ERBB4: variants seen among roughly 807,000 people sequenced by gnomAD.
ERBB4 encodes the protein receptor tyrosine-protein kinase erbB-4.
ERBB4 carries 42 observed loss-of-function variants against 158.0 expected under a neutral mutation model. The observed-to-expected ratio is 0.27, with a 90% CI of 0.21 to 0.34. The LOEUF is 0.34. ERBB4 is among the 10% of genes least tolerant of loss of function. The pLI, the probability that ERBB4 is intolerant of heterozygous loss-of-function variation, is 1.00. For missense variants in ERBB4, 1,333 were observed against 1,624.1 expected (o/e 0.82, Z 3.08); for synonymous variants, 583 against 558.7 (o/e 1.04, Z -0.61).
intron 16 of ERBB4, among the ~76,000 whole-genome samples, chr2:211,656,569 G>A (rs192393753): frequency 6.6e-6 from 1 of 152,066 alleles, no homozygotes; most frequent in Non-Finnish European, 1.5e-5. Context: ...TACAACCATC[G>A]CCATGATCAA....
intron 16 of ERBB4, among the ~76,000 whole-genome samples, chr2:211,639,907 G>C (rs1024511451): frequency 3.0e-4 from 45 of 152,076 alleles, no homozygotes; most frequent in Non-Finnish European, 2.9e-4. Flanking sequence ...ATTTTTAGTA[G>C]AGACAGGGTT....
chr2:212,447,394 A>T (rs575226285), intron 1 of ERBB4, among the ~76,000 whole-genome samples: 6 of 107,896 alleles, frequency 5.6e-5, no homozygotes, highest in Non-Finnish European at 1.5e-4. Context: ...TTTCTATTTT[A>T]AAAAAATGTG....
chr2:211,805,444 A>T (rs766506663), intron 3 of ERBB4, among the ~76,000 whole-genome samples: 1 of 152,350 alleles, frequency 6.6e-6, no homozygotes, highest in Non-Finnish European at 1.5e-5. Context: ...AGAAAACACA[A>T]GAGTATGAGC....
intron 20 of ERBB4, among the ~76,000 whole-genome samples, chr2:211,505,851 T>TCCCAGCC (rs1352168301): frequency 6.6e-6 from 1 of 150,824 alleles, no homozygotes; most frequent in Non-Finnish European, 1.5e-5. Flanking sequence ...TCCCAGCTAC[T>TCCCAGCC]CAGGAGGCTG....
rs143518922 is a variant in ERBB4, at chr2:211,554,457, A to G, written c.2487+7446T>C. ...AATGCAGCTCTGGACCCAGAGCCACACATTCCCACCCACACAGCACACGCA... is the reference window on the plus strand; with the variant it reads ...AATGCAGCTCTGGACCCAGAGCCACGCATTCCCACCCACACAGCACACGCA... On this transcript the variant is annotated intron_variant, in intron 20 of 27. Coordinates refer to ENST00000342788, the MANE Select transcript of ERBB4 (RefSeq NM_005235.3). Among the ~76,000 whole-genome samples the G allele has an allele frequency of 9.8e-5, 15 of 152,324 alleles. 1 individual carries two copies. The Middle Eastern group carries it at 0.01, about 104-fold the overall frequency.
intron 2 of ERBB4, among the ~76,000 whole-genome samples, chr2:211,973,637 T>A (rs943659848): frequency 6.6e-6 from 1 of 152,210 alleles, no homozygotes; most frequent in Non-Finnish European, 1.5e-5. Flanking sequence ...TTGGTGTGAA[T>A]GTAAACCAGT....
chr2:212,514,294 A>G (rs947264694), intron 1 of ERBB4, among the ~76,000 whole-genome samples: 3 of 152,240 alleles, frequency 2.0e-5, no homozygotes, highest in Non-Finnish European at 4.4e-5. Context: ...TATTTTTCAC[A>G]TACTTAAAAG....
intron 1 of ERBB4, among the ~76,000 whole-genome samples, chr2:212,280,814 T>G (rs1457409767): frequency 6.6e-6 from 1 of 151,634 alleles, no homozygotes; most frequent in Non-Finnish European, 1.5e-5. Context: ...ATAGAAACTG[T>G]TAAAACCAGG....
intron 1 of ERBB4, among the ~76,000 whole-genome samples, chr2:212,198,157 G>T (rs919403839): frequency 6.6e-6 from 1 of 152,112 alleles, no homozygotes; most frequent in African/African-American, 2.4e-5. Context: ...GAGATTGTCT[G>T]AAAGTTAACT....
At chr2:212,389,561 TATACAATACTTTAGCA>T (rs982058031) in intron 1 of ERBB4, among the ~76,000 whole-genome samples, 6 of 152,044 alleles carry the variant, frequency 3.9e-5, no homozygotes, top group African/African-American at 7.2e-5. Context: ...CTCATTTCTT[TATACAATACTTTAGCA>T]AATATGGAAC....
At chr2:212,237,574 G>C (rs950190067) in intron 1 of ERBB4, among the ~76,000 whole-genome samples, 8 of 152,162 alleles carry the variant, frequency 5.3e-5, no homozygotes, top group Non-Finnish European at 8.8e-5. Flanking sequence ...CCACTGAGGA[G>C]GCAGTCTGTC....
chr2:211,388,563 AT>A lies in ERBB4; in HGVS notation c.3136-572del, dbSNP rs553852448. ...TATGCTATTTTATCTTCAGTCTCAC[AT>A]TTTTTTTGTTTTTTTTTTTTAAGTT... On this transcript the variant is annotated intron_variant, in intron 25 of 27. Coordinates refer to ENST00000342788, the MANE Select transcript of ERBB4 (RefSeq NM_005235.3). Among the ~76,000 whole-genome samples the A allele has an allele frequency of 6.0e-4, 90 of 149,536 alleles. No homozygotes were observed. The Middle Eastern group carries it at 0.021, about 35-fold the overall frequency.
chr2:212,238,539 C>T (rs528896315), intron 1 of ERBB4, among the ~76,000 whole-genome samples: 1 of 152,088 alleles, frequency 6.6e-6, no homozygotes, highest in Non-Finnish European at 1.5e-5. Context: ...TTGCTAGCCA[C>T]CTGCATTATT....
chr2:211,769,171 T>C (rs2075630623), intron 4 of ERBB4, among the ~76,000 whole-genome samples: 1 of 152,182 alleles, frequency 6.6e-6, no homozygotes, highest in South Asian at 2.1e-4. Context: ...GTCTCTTTGC[T>C]AAAGCATAGC....
intron 2 of ERBB4, among the ~76,000 whole-genome samples, chr2:212,082,411 C>A (rs2078474197): frequency 6.6e-6 from 1 of 151,866 alleles, no homozygotes; most frequent in South Asian, 2.1e-4. Flanking sequence ...GTAATAAATG[C>A]AGATTCTGAG....
intron 2 of ERBB4, among the ~76,000 whole-genome samples, chr2:211,961,041 G>T (rs1269733030): frequency 6.6e-6 from 1 of 151,962 alleles, no homozygotes; most frequent in East Asian, 1.9e-4. Flanking sequence ...ATTTTTCTGT[G>T]AACCTAAAAC....
At chr2:212,035,966 T>G (rs547341731) in intron 2 of ERBB4, among the ~76,000 whole-genome samples, 1 of 152,338 alleles carries the variant, frequency 6.6e-6, no homozygotes, top group East Asian at 1.9e-4. Flanking sequence ...TTTTAGTGAT[T>G]GTACATATGA....
chr2:211,701,554 G>A (rs538229922), intron 12 of ERBB4, among the ~76,000 whole-genome samples: 86 of 151,390 alleles, frequency 5.7e-4, no homozygotes, highest in African/African-American at 2.0e-3. Flanking sequence ...CAGGAAATCG[G>A]GACCATCCTG....
rs550196962 is a variant in ERBB4, at chr2:212,367,898, G to A, written c.82+170551C>T. Among the ~76,000 whole-genome samples, 22 of 152,200 alleles carry A rather than the reference G, an allele frequency of 1.4e-4. No individual in the cohort carries two copies. The East Asian group carries it at 2.5e-3, about 17-fold the overall frequency. On this transcript the variant is annotated intron_variant, in intron 1 of 27. Transcript: ENST00000342788. Reference sequence around the variant, plus strand: ...CACAATGTGATACCAACTTTCTCCTGCAAGAATGGCCATAATCAAAAAATC... The same window carrying A: ...CACAATGTGATACCAACTTTCTCCTACAAGAATGGCCATAATCAAAAAATC...
Sources: gnomAD v4.1 joint callset for allele counts (sites outside exome capture counted in the v4.1 genomes callset) on GRCh38, gnomAD v4.1.1 for gene constraint, MANE v1.5 for transcripts, NCBI Gene and HGNC (gene_info 2026-07-23, HGNC 2026-07-21) for gene names.